DRC7: variants seen among roughly 807,000 people sequenced by gnomAD.
DRC7 encodes the protein dynein regulatory complex subunit 7.
DRC7 carries 80 observed loss-of-function variants against 104.4 expected under a neutral mutation model. The observed-to-expected ratio is 0.77, with a 90% CI of 0.64 to 0.92. The LOEUF is 0.92. Ranked by LOEUF, DRC7 falls within the 40% of genes least tolerant of loss-of-function variation. DRC7 has a pLI of 0.00. For missense variants in DRC7, 1,034 were observed against 1,141.1 expected, an observed-to-expected ratio of 0.91 and a Z score of 1.35; for synonymous variants, 405 against 447.3, an observed-to-expected ratio of 0.91 and a Z score of 1.19.
intron 17 of DRC7, 61 bp downstream of exon 17, chr16:57,728,645 C>T (rs2049003128): frequency 7.2e-7 from 1 of 1,386,714 alleles, no homozygotes; most frequent in East Asian, 2.6e-5. Flanking sequence ...AGGAAATGGG[C>T]CCACGGCTGT....
chr16:57,710,964 G>C (rs1452466610), intron 8 of DRC7, among the ~76,000 whole-genome samples: 1 of 152,204 alleles, frequency 6.6e-6, no homozygotes, highest in Non-Finnish European at 1.5e-5. Context: ...ATATTTGCCA[G>C]GTTTTGGTAT....
chr16:57,722,652 G>A (rs3826094), intron 10 of DRC7, 61 bp from the exon 11 acceptor site: 263,346 of 1,600,886 alleles, frequency 0.16, 23,118 homozygotes, highest in East Asian at 0.3. Flanking sequence ...ATGGCTGGGC[G>A]GGGCTGGCCC....
chr16:57,729,827 C>T lies in DRC7; in HGVS notation c.2392-1104C>T, dbSNP rs62651205. Among the ~76,000 whole-genome samples the T allele has an allele frequency of 7.8e-3, 296 of 37,846 alleles. 1 individual carries two copies. The highest frequency in any genetic ancestry group is 9.4e-3 in the Non-Finnish European group (185 of 19,698). 24.8% of individuals were successfully genotyped at this position (37,846 alleles called of 152,430 possible). A position where few individuals can be genotyped will look rare whatever the true frequency, so the allele number is the denominator to read the frequency against. ...ATGAGTGAGTAGGTGGGTGGATGGA[C>T]GAGTGGGTGGGTGGATGGACGAATG... On this transcript the variant is annotated intron_variant, in intron 17 of 18. Coordinates refer to ENST00000360716, the MANE Select transcript of DRC7 (RefSeq NM_001289162.2).
At chr16:57,705,792 A>ATCCATCCTCCCATCCC (rs2048713559) in intron 7 of DRC7, among the ~76,000 whole-genome samples, 1 of 108,738 alleles carries the variant, frequency 9.2e-6, no homozygotes, top group African/African-American at 3.8e-5. Context: ...CCTCCCATCC[A>ATCCATCCTCCCATCCC]TCCATCCTCC....
intron 8 of DRC7, chr16:57,714,746 T>C: frequency 2.2e-6 from 1 of 447,508 alleles, no homozygotes; most frequent in South Asian, 1.7e-5. Context: ...GCCAGTATGT[T>C]GACCTATCCC....
chr16:57,729,862 GTGGATGGATGGA>G (rs1173988087), intron 17 of DRC7, among the ~76,000 whole-genome samples: 1 of 135,830 alleles, frequency 7.4e-6, no homozygotes, highest in East Asian at 2.5e-4. Context: ...GGATGGATGG[GTGGATGGATGGA>G]TGGATGAATG....
At position 57,731,480 on chromosome 16, in the gene DRC7, C is replaced by T; in HGVS notation, c.*222C>T. On this transcript the variant is annotated 3_prime_UTR_variant, in exon 19 of 19. Coordinates refer to ENST00000360716, the MANE Select transcript of DRC7 (RefSeq NM_001289162.2). The stretch of plus-strand genomic sequence containing the variant: ...ATTTGTGCCTTGCGCTTCACAAGCT[C>T]CAGCAGCAGCCTTTCTCTTCTTCTG... The T allele has an allele frequency of 3.5e-6, 2 of 573,022 alleles. No individual in the cohort carries two copies. Among genetic ancestry groups the T allele is most frequent in the Non-Finnish European group, 6.2e-6 (2 of 322,046 alleles). 35.5% of individuals were successfully genotyped at this position (573,022 alleles called of 1,614,324 possible).
Position 57,718,452 on chromosome 16 carries a change from G to T in DRC7, c.1183G>T (p.Asp395Tyr), listed in dbSNP as rs746869486. The T allele has an allele frequency of 2.5e-6, 4 of 1,614,002 alleles. No homozygotes were observed. The Admixed American group carries it at 5.0e-5, about 20-fold the overall frequency. Residue 395 changes from aspartate to tyrosine, a missense_variant, in exon 9 of 19, where the codon GAT (aspartate) becomes TAT (tyrosine). Asp to Tyr is a radical substitution (Grantham distance 160). Transcript: ENST00000360716. Reference sequence around the variant, plus strand: ...TGAAGAAGACGACAGTGGGATAAACGATGAGGATGATGTGGAAAATCTGGT... The same window carrying T: ...TGAAGAAGACGACAGTGGGATAAACTATGAGGATGATGTGGAAAATCTGGT... ...LTEEDDSGIN[D>Y]EDDVENLGKE...
In DRC7 at chr16:57,704,888, G is replaced by T. The variant is rs779845966; in HGVS notation, c.712G>T (p.Glu238Ter). The T allele has an allele frequency of 1.2e-6, 2 of 1,613,546 alleles. No individual in the cohort carries two copies. The highest frequency in any genetic ancestry group is 1.7e-4 in the Middle Eastern group (1 of 6,032). Residue 238 changes from glutamate to a stop codon, truncating the protein, a stop_gained, in exon 7 of 19, where the codon GAG becomes TAG. Coordinates refer to ENST00000360716, the MANE Select transcript of DRC7 (RefSeq NM_001289162.2). LOFTEE classifies it high-confidence loss of function. ...TVKPKETIKK[E>*]EKVLPKKYTI... ...TTTTGGGTGACAGACCATCAAGAAG[G>T]AGGAAAAGGTGCTGCCTAAGAAGTA...
chr16:57,695,026 G>C (rs73554984), intron 1 of DRC7, among the ~76,000 whole-genome samples, 174 bp downstream of exon 1: 16,487 of 152,016 alleles, frequency 0.11, 2,517 homozygotes, highest in African/African-American at 0.34. Context: ...CTGGTGGAGA[G>C]GGGGTGCAGG....
chr16:57,710,876 G>T (rs1274554200), intron 8 of DRC7, among the ~76,000 whole-genome samples: 3 of 152,066 alleles, frequency 2.0e-5, no homozygotes, highest in African/African-American at 4.8e-5. Flanking sequence ...ATATATTATT[G>T]GTGTTGAACT....
In DRC7 at chr16:57,698,031, A is replaced by T; in HGVS notation, c.82A>T (p.Met28Leu). The change falls in exon 3 of 19, where the codon ATG becomes TTG. Residue 28 changes from methionine to leucine, a missense_variant. Transcript: ENST00000360716. The part of the protein sequence containing the change: ...EAAEWAEWAR[M>L]EKMMRPVEVR... Reference sequence around the variant, plus strand: ...GGCCGAGTGGGCTGAATGGGCGAGGATGGAGAAAATGATGAGGCCAGTTGA... The same window carrying T: ...GGCCGAGTGGGCTGAATGGGCGAGGTTGGAGAAAATGATGAGGCCAGTTGA... The T allele has an allele frequency of 1.2e-6, 2 of 1,613,976 alleles. No individual in the cohort carries two copies. The highest frequency in any genetic ancestry group is 8.5e-7 in the Non-Finnish European group (1 of 1,180,010).
intron 2 of DRC7, among the ~76,000 whole-genome samples, chr16:57,697,327 C>T (rs1173069165): frequency 2.0e-5 from 3 of 152,032 alleles, no homozygotes; most frequent in Non-Finnish European, 4.4e-5. Flanking sequence ...GTAATCCCAG[C>T]ACTTTGGGAG....
At chr16:57,727,157 G>T in intron 15 of DRC7, 142 bp from the exon 16 acceptor site, 1 of 729,632 alleles carries the variant, frequency 1.4e-6, no homozygotes, top group South Asian at 1.7e-5. Flanking sequence ...TTTTTTAACA[G>T]ATGGGGTTTT....
chr16:57,726,475 C>G (rs2048967190), intron 14 of DRC7, 192 bp downstream of exon 14: 1 of 607,766 alleles, frequency 1.6e-6, no homozygotes, highest in African/African-American at 1.9e-5. Context: ...GAAAATCTTC[C>G]TTTTCCACCA....
chr16:57,699,110 T>A, intron 4 of DRC7, 86 bp downstream of exon 4: 5 of 1,487,068 alleles, frequency 3.4e-6, no homozygotes, highest in Non-Finnish European at 4.5e-6. Flanking sequence ...TTCTCCAAGG[T>A]CACTGGGCCA....
intron 5 of DRC7, 24 bp downstream of exon 5, chr16:57,700,294 T>C: frequency 1.2e-6 from 2 of 1,604,698 alleles, no homozygotes; most frequent in Non-Finnish European, 1.7e-6. Context: ...ACAGGCTGCA[T>C]GCCTGAGCCC....
At chr16:57,703,557 C>T (rs1426473994) in intron 6 of DRC7, among the ~76,000 whole-genome samples, 1 of 152,096 alleles carries the variant, frequency 6.6e-6, no homozygotes, top group Non-Finnish European at 1.5e-5. Flanking sequence ...GGTGGGTGCT[C>T]TGGTGGGAGA....
Position 57,730,857 on chromosome 16 carries a change from T to C in DRC7, c.2392-74T>C, listed in dbSNP as rs1444710909. 6.6e-6 allele frequency: 10 copies of C among 1,524,658 alleles called. No homozygotes were observed. In the East Asian group the frequency reaches 2.0e-4, roughly 31 times the overall value. The allele number at this position is 1,524,658 out of a possible 1,614,324, so 94.4% of individuals were successfully genotyped here. ...CGTCATGGTGCTGTCTAGTGACCCA[T>C]GGGATTGCAGCCTGCAGCCTGGGTG... On this transcript the variant is annotated intron_variant, in intron 17 of 18. Coordinates refer to ENST00000360716, the MANE Select transcript of DRC7 (RefSeq NM_001289162.2).
Sources: gnomAD v4.1 joint callset for allele counts (sites outside exome capture counted in the v4.1 genomes callset) on GRCh38, gnomAD v4.1.1 for gene constraint, MANE v1.5 for transcripts, NCBI Gene and HGNC (gene_info 2026-07-23, HGNC 2026-07-21) for gene names.